The following ANKRD13D variants were observed in gnomAD, a reference collection of about 807,000 sequenced individuals.
The protein encoded by ANKRD13D is ankyrin repeat domain 13D, also known as ankyrin repeat domain-containing protein 13D.
ANKRD13D carries 24 observed loss-of-function variants against 68.8 expected under a neutral mutation model. The observed-to-expected ratio is 0.35, with a 90% CI of 0.25 to 0.49. The LOEUF is 0.49. Ranked by LOEUF, ANKRD13D falls within the 20% of genes least tolerant of loss-of-function variation. ANKRD13D has a pLI of 0.99. For missense variants in ANKRD13D, 735 were observed against 832.1 expected (o/e 0.88, Z 1.44); for synonymous variants, 331 against 336.1 (o/e 0.98, Z 0.16).
chr11:67,289,627 C>A (rs1276408973), intron 1 of ANKRD13D, 77 bp downstream of exon 1: 4 of 1,145,498 alleles, frequency 3.5e-6, no homozygotes, highest in Non-Finnish European at 4.5e-6. Flanking sequence ...TGGAGCCCCC[C>A]CCCCCCCCCC....
chr11:67,302,257 G>T lies in ANKRD13D; in HGVS notation c.1743G>T (p.Glu581Asp). ...TGGAGTTGTCTTCACGGGAGCAGGA[G>T]GAGCGGGAGCGGCGCGGGCAGCAGG... Reference protein sequence around the residue: ...LALELSSREQEERERRGQQEE... With the variant: ...LALELSSREQDERERRGQQEE... Residue 581 changes from glutamate to aspartate, a missense_variant, in exon 15 of 15, where the codon GAG (glutamate) becomes GAT (aspartate). Physicochemically the swap from Glu to Asp is conservative, Grantham distance 45 (BLOSUM62 2). Transcript: ENST00000511455. The T allele has an allele frequency of 6.4e-7, 1 of 1,571,502 alleles. No individual in the cohort carries two copies. The highest frequency in any genetic ancestry group is 2.3e-5 in the East Asian group (1 of 42,908).
At position 67,299,911 on chromosome 11, in the gene ANKRD13D, CAG is replaced by C. The variant is rs767731264; in HGVS notation, c.942+24_942+25del. On this transcript the variant is annotated intron_variant, in intron 9 of 14. Coordinates refer to ENST00000511455, the MANE Select transcript of ANKRD13D (RefSeq NM_207354.3). The surrounding 1 kb of genome is among the most constrained non-coding windows in gnomAD (Gnocchi z 6.2). The stretch of plus-strand genomic sequence containing the variant: ...GGGGTGAGCCGGGGCTGGGCCGAGA[CAG>C]GGCTGGCGGGGGGCCGAGCCTGGGC... 1.3e-6 allele frequency: 2 copies of C among 1,557,236 alleles called. No homozygotes were observed. The highest frequency in any genetic ancestry group is 3.7e-5 in the Admixed American group (2 of 53,974).
At chr11:67,302,079 C>T in intron 14 of ANKRD13D, 40 bp from the exon 15 acceptor site, 2 of 1,495,942 alleles carry the variant, frequency 1.3e-6, no homozygotes, top group East Asian at 2.5e-5. Flanking sequence ...AGCCTTGGCG[C>T]TCACTGGCCT....
rs1215151118 is a variant in ANKRD13D at position 67,300,133 on chromosome 11, G to A, written c.1073+10G>A. 6.2e-7 allele frequency: 1 copy of A among 1,613,690 alleles called. No homozygotes were observed. The highest frequency in any genetic ancestry group is 8.5e-7 in the Non-Finnish European group (1 of 1,179,794). On this transcript the variant is annotated intron_variant, in intron 10 of 14. Coordinates refer to ENST00000511455, the MANE Select transcript of ANKRD13D (RefSeq NM_207354.3). This position sits in a 1 kb window ranked among gnomAD's most constrained non-coding sequence, Gnocchi z 4.3. Reference sequence around the variant, plus strand: ...CCAGCAAAGTACAGAGGTGAGGTCTGAGAGCTGGCTGGGGACTTGCCTCGG... The same window carrying A: ...CCAGCAAAGTACAGAGGTGAGGTCTAAGAGCTGGCTGGGGACTTGCCTCGG...
chr11:67,301,909 C>G lies in ANKRD13D; in HGVS notation c.1604+86C>G. 1 of 1,434,456 alleles carries G rather than the reference C, an allele frequency of 7.0e-7. No individual in the cohort carries two copies. The highest frequency in any genetic ancestry group is 9.3e-7 in the Non-Finnish European group (1 of 1,072,632). The allele number at this position is 1,434,456 out of a possible 1,614,324, so 88.9% of individuals were successfully genotyped here. On this transcript the variant is annotated intron_variant, in intron 14 of 14. Transcript: ENST00000511455. This position sits in a 1 kb window ranked among gnomAD's most constrained non-coding sequence, Gnocchi z 4.5. The stretch of plus-strand genomic sequence containing the variant: ...GGGATAGCAGGAAGGTGCTAGGACC[C>G]CAGGCCCTCTGCAAGGCCACCCTCT...
In ANKRD13D at chr11:67,302,296, AC is replaced by A. The variant is rs1861046455; in HGVS notation, c.1783del (p.Gln595SerfsTer14). 1.9e-6 allele frequency: 3 copies of A among 1,555,526 alleles called. No individual in the cohort carries two copies. Among genetic ancestry groups the A allele is most frequent in the Non-Finnish European group, 2.6e-6 (3 of 1,147,934 alleles). On this transcript the variant is annotated frameshift_variant, in exon 15 of 15. Coordinates refer to ENST00000511455, the MANE Select transcript of ANKRD13D (RefSeq NM_207354.3). LOFTEE classifies it high-confidence loss of function. ...RRGQQEEEDLQRILQLSLTEH is the reference protein window; with the variant it reads ...RRGQQEEEDLXRILQLSLTEH ...GCGGGCAGCAGGAGGAGGAGGACTTACAGCGGATCCTGCAGCTGTCACTCAC... is the reference window on the plus strand; with the variant it reads ...GCGGGCAGCAGGAGGAGGAGGACTTAAGCGGATCCTGCAGCTGTCACTCAC...
At chr11:67,292,567 A>G (rs1302505349) in intron 6 of ANKRD13D, among the ~76,000 whole-genome samples, 5 of 152,132 alleles carry the variant, frequency 3.3e-5, no homozygotes, top group Non-Finnish European at 7.4e-5. Context: ...CCTTCCAGCA[A>G]GAGTTTCTCT....
In ANKRD13D at chr11:67,292,122, C is replaced by T. The variant is rs755060538; in HGVS notation, c.673C>T (p.Arg225Cys). 3.7e-6 allele frequency: 6 copies of T among 1,612,112 alleles called. No homozygotes were observed. Among genetic ancestry groups the T allele is most frequent in the South Asian group, 2.2e-5 (2 of 91,012 alleles). ...GCCCAGCGAGGAGCATGTGGCCAGT[C>T]GCCTCACCTCTCCTATCGTCTCCAC... ...MRPSEEHVAS[R>C]LTSPIVSTHL... The change falls in exon 6 of 15, where the codon CGC (arginine) becomes TGC (cysteine). Residue 225 changes from arginine (R) to cysteine (C), a missense_variant. Physicochemically the swap from Arg to Cys is radical, Grantham distance 180. Transcript: ENST00000511455.
chr11:67,290,368 G>A lies in ANKRD13D; in HGVS notation c.273G>A (p.Leu91=). 1 of 1,581,600 alleles carries A rather than the reference G, an allele frequency of 6.3e-7. No individual in the cohort carries two copies. Among genetic ancestry groups the A allele is most frequent in the Non-Finnish European group, 8.6e-7 (1 of 1,164,550 alleles). The part of the protein sequence containing the change: ...VSTGDPEMVQ[L]VLQYRDYQRA... ...CTGGAGACCCCGAGATGGTGCAGCT[G>A]GTGCTCCAGTATCGGGACTACCAGA... The change falls in exon 3 of 15, where the codon CTG becomes CTA. Residue 91 remains leucine, a synonymous_variant. Coordinates refer to ENST00000511455, the MANE Select transcript of ANKRD13D (RefSeq NM_207354.3).
rs554661490 is a variant in ANKRD13D, at chr11:67,290,221, A to T, written c.226+8A>T. The T allele has an allele frequency of 7.1e-6, 11 of 1,541,474 alleles. No homozygotes were observed. In the African/African-American group the frequency reaches 1.2e-4, roughly 17 times the overall value. ...ACCGCCAGGGCTGGGCAGGTACTGC[A>T]GAGGACAAGGGGCTCCCCCTGAGGC... On this transcript the variant is annotated splice_region_variant and intron_variant, in intron 2 of 14. Coordinates refer to ENST00000511455, the MANE Select transcript of ANKRD13D (RefSeq NM_207354.3).
rs769566488 is a variant in ANKRD13D at position 67,292,137 on chromosome 11, A to G, written c.688A>G (p.Ile230Val). Reference protein sequence around the residue: ...EHVASRLTSPIVSTHLDTRNV... With the variant: ...EHVASRLTSPVVSTHLDTRNV... ...TGTGGCCAGTCGCCTCACCTCTCCTATCGTCTCCACCCACCTGGACACTCG... is the reference window on the plus strand; with the variant it reads ...TGTGGCCAGTCGCCTCACCTCTCCTGTCGTCTCCACCCACCTGGACACTCG... Residue 230 changes from isoleucine to valine, a missense_variant, in exon 6 of 15, where the codon ATC (isoleucine) becomes GTC (valine). By Grantham distance (29) the Ile-to-Val change is conservative (BLOSUM62 3). Coordinates refer to ENST00000511455, the MANE Select transcript of ANKRD13D (RefSeq NM_207354.3). The G allele has an allele frequency of 7.6e-5, 123 of 1,610,286 alleles. No homozygotes were observed. The highest frequency in any genetic ancestry group is 8.9e-5 in the East Asian group (4 of 44,744).
chr11:67,290,696 T>G, intron 3 of ANKRD13D: 1 of 471,106 alleles, frequency 2.1e-6, no homozygotes, highest in Non-Finnish European at 3.7e-6. Context: ...GAATGCAGAT[T>G]ACCTGGAGCA....
Position 67,302,247 on chromosome 11 carries a change from G to T in ANKRD13D, c.1733G>T (p.Arg578Leu), listed in dbSNP as rs1425591000. The change falls in exon 15 of 15, where the codon CGG becomes CTG. Residue 578 changes from arginine (R) to leucine (L), a missense_variant. By Grantham distance (102) the Arg-to-Leu change is moderately radical. Coordinates refer to ENST00000511455, the MANE Select transcript of ANKRD13D (RefSeq NM_207354.3). ...CGCCTGGCCCTGGAGTTGTCTTCAC[G>T]GGAGCAGGAGGAGCGGGAGCGGCGC... ...QLRLALELSS[R>L]EQEERERRGQ... 3 of 1,573,610 alleles carry T rather than the reference G, an allele frequency of 1.9e-6. No individual in the cohort carries two copies. Among genetic ancestry groups the T allele is most frequent in the Admixed American group, 1.8e-5 (1 of 54,388 alleles).
intron 1 of ANKRD13D, 69 bp downstream of exon 1, chr11:67,289,619 G>C: frequency 8.2e-7 from 1 of 1,224,898 alleles, no homozygotes; most frequent in East Asian, 3.6e-5. Context: ...CTCCGTCCTG[G>C]AGCCCCCCCC....
chr11:67,301,458 T>C lies in ANKRD13D; in HGVS notation c.1349-30T>C. 6.2e-7 allele frequency: 1 copy of C among 1,608,920 alleles called. No individual in the cohort carries two copies. ...CTTTCTGGTCACCAAGCCCCGCGGG[T>C]TGAGCGTGGCCCCTCTGCCACCTGC... On this transcript the variant is annotated intron_variant, in intron 12 of 14. Coordinates refer to ENST00000511455, the MANE Select transcript of ANKRD13D (RefSeq NM_207354.3). The surrounding 1 kb of genome is among the most constrained non-coding windows in gnomAD (Gnocchi z 4.5).
chr11:67,290,823 C>G, intron 3 of ANKRD13D: 1 of 208,916 alleles, frequency 4.8e-6, no homozygotes, highest in Admixed American at 5.2e-5. Context: ...TCTCATACCC[C>G]CTACCCCAGG....
chr11:67,299,815 C>A lies in ANKRD13D; in HGVS notation c.881-12C>A. On this transcript the variant is annotated splice_polypyrimidine_tract_variant and intron_variant, in intron 8 of 14. Transcript: ENST00000511455. This position sits in a 1 kb window ranked among gnomAD's most constrained non-coding sequence, Gnocchi z 6.2. ...TTGTGACCCCTTACCAGCTCCCACC[C>A]CTTCTCCGTAGCGGGGAAGACTCCA... The A allele has an allele frequency of 6.5e-7, 1 of 1,532,450 alleles. No individual in the cohort carries two copies. The highest frequency in any genetic ancestry group is 8.8e-7 in the Non-Finnish European group (1 of 1,139,434). 94.9% of individuals were successfully genotyped at this position (1,532,450 alleles called of 1,614,324 possible).
intron 3 of ANKRD13D, chr11:67,290,870 G>C (rs1860508830): frequency 5.4e-6 from 1 of 186,628 alleles, no homozygotes; most frequent in African/African-American, 2.3e-5. Flanking sequence ...CCCCTTTACA[G>C]AGTAGGACTC....
rs936218985 is a variant in ANKRD13D at position 67,301,912 on chromosome 11, G to C, written c.1604+89G>C. 4 of 1,431,052 alleles carry C rather than the reference G, an allele frequency of 2.8e-6. No homozygotes were observed. The highest frequency in any genetic ancestry group is 3.7e-6 in the Non-Finnish European group (4 of 1,070,458). The allele number at this position is 1,431,052 out of a possible 1,614,324, so 88.6% of individuals were successfully genotyped here. On this transcript the variant is annotated intron_variant, in intron 14 of 14. Coordinates refer to ENST00000511455, the MANE Select transcript of ANKRD13D (RefSeq NM_207354.3). The surrounding 1 kb of genome is among the most constrained non-coding windows in gnomAD (Gnocchi z 4.5). ...ATAGCAGGAAGGTGCTAGGACCCCA[G>C]GCCCTCTGCAAGGCCACCCTCTGTC... is the stretch of plus-strand genomic sequence containing the variant.
Sources: gnomAD v4.1 joint callset for allele counts (sites outside exome capture counted in the v4.1 genomes callset) on GRCh38, gnomAD v4.1.1 for gene constraint, Gnocchi (gnomAD v3.1) non-coding constraint, MANE v1.5 for transcripts, NCBI Gene and HGNC (gene_info 2026-07-23, HGNC 2026-07-21) for gene names.